The following GNG7 variants were observed in gnomAD, a reference collection of about 807,000 sequenced individuals.
GNG7 encodes guanine nucleotide-binding protein G(I)/G(S)/G(O) subunit gamma-7.
Under a neutral mutation model 4.0 loss-of-function variants are expected in GNG7, and 1 was observed. The ratio of observed to expected loss-of-function variants is 0.25; its 90% CI spans 0.09 to 1.18. GNG7 has a LOEUF of 1.18. Ranked by LOEUF, GNG7 falls within the 50% of genes most tolerant of loss-of-function variation. GNG7 has a pLI of 0.50. For synonymous variants in GNG7, 34 were observed against 36.9 expected, an observed-to-expected ratio of 0.92 and a Z score of 0.29; for missense variants, 86 against 91.9, an observed-to-expected ratio of 0.94 and a Z score of 0.26.
At chr19:2,593,902 G>A (rs1333525046) in intron 2 of GNG7, among the ~76,000 whole-genome samples, 2 of 140,572 alleles carry the variant, frequency 1.4e-5, no homozygotes, top group Non-Finnish European at 3.0e-5. Context: ...GAAGCAAGCT[G>A]AGAGGCAGGC....
intron 1 of GNG7, among the ~76,000 whole-genome samples, chr19:2,658,263 G>A (rs986293448): frequency 2.0e-5 from 3 of 152,030 alleles, no homozygotes; most frequent in Non-Finnish European, 4.4e-5. Flanking sequence ...TACATCTGGG[G>A]TCTGCAAATT....
chr19:2,638,105 C>T (rs190487772), intron 2 of GNG7, among the ~76,000 whole-genome samples: 1 of 152,128 alleles, frequency 6.6e-6, no homozygotes, highest in East Asian at 2.0e-4. Context: ...TGGCTCACGC[C>T]TGTCACCCCA....
intron 3 of GNG7, chr19:2,538,409 G>T (rs1012187447): frequency 2.5e-6 from 1 of 392,584 alleles, no homozygotes; most frequent in Non-Finnish European, 5.1e-6. Flanking sequence ...GATCATTTGA[G>T]GCCAGGAGTT....
intron 2 of GNG7, among the ~76,000 whole-genome samples, chr19:2,604,645 A>G (rs1981322648): frequency 6.7e-6 from 1 of 149,336 alleles, no homozygotes; most frequent in African/African-American, 2.5e-5. Context: ...CCTTCAAAAA[A>G]AAAAAAAAAA....
intron 3 of GNG7, 100 bp from the exon 4 acceptor site, chr19:2,520,825 C>T (rs980487515): frequency 3.5e-5 from 21 of 604,628 alleles, no homozygotes; most frequent in Admixed American, 1.1e-4. Context: ...ACTCTAGGCA[C>T]GGCCACTTTG....
chr19:2,516,547 A>G (rs923117427), intron 4 of GNG7, among the ~76,000 whole-genome samples: 1 of 152,212 alleles, frequency 6.6e-6, no homozygotes, highest in Admixed American at 6.5e-5. Context: ...TTTAAAAAAG[A>G]AAAGGCTGAG....
intron 3 of GNG7, chr19:2,538,505 C>T (rs1188238963): frequency 5.7e-6 from 2 of 350,336 alleles, no homozygotes; most frequent in Non-Finnish European, 1.1e-5. Context: ...GTGGTGCACA[C>T]CTGTAGTTCC....
intron 2 of GNG7, among the ~76,000 whole-genome samples, chr19:2,587,523 G>A (rs1429154021): frequency 6.6e-6 from 1 of 152,188 alleles, no homozygotes; most frequent in East Asian, 1.9e-4. Context: ...TCTGGCCGGT[G>A]AGGACAACAG....
intron 2 of GNG7, among the ~76,000 whole-genome samples, chr19:2,579,951 C>T (rs925707219): frequency 1.1e-4 from 17 of 152,176 alleles, no homozygotes; most frequent in African/African-American, 4.1e-4. Flanking sequence ...ACGCTTTCTG[C>T]CTCCTCCAGT....
chr19:2,573,178 C>T (rs1160347705), intron 2 of GNG7, among the ~76,000 whole-genome samples: 3 of 151,712 alleles, frequency 2.0e-5, no homozygotes, highest in Non-Finnish European at 4.4e-5. Flanking sequence ...GGCGCCACCA[C>T]ACCCGGCTAA....
chr19:2,695,000 C>A (rs1489983728), intron 1 of GNG7, among the ~76,000 whole-genome samples: 1 of 151,998 alleles, frequency 6.6e-6, no homozygotes, highest in Non-Finnish European at 1.5e-5. Context: ...ACAGGGGGAC[C>A]TCCACGTTTA....
chr19:2,519,548 C>A (rs1458385155), intron 4 of GNG7, among the ~76,000 whole-genome samples: 1 of 151,356 alleles, frequency 6.6e-6, no homozygotes, highest in Non-Finnish European at 1.5e-5. Context: ...GCCTCGGCCT[C>A]CCAATGTGCT....
At chr19:2,630,024 T>G (rs890679933) in intron 2 of GNG7, among the ~76,000 whole-genome samples, 6 of 151,856 alleles carry the variant, frequency 4.0e-5, no homozygotes, top group Non-Finnish European at 8.8e-5. Context: ...AAAGGTTGTT[T>G]TTTTTTTTTA....
In GNG7 at chr19:2,512,151, C is replaced by T; in HGVS notation, c.*2871G>A. ...TGGCGTAGCTGAGAGAGGCTTGTCC[C>T]CCCAAGGCTAGAGCTGCTGCTGCCA... is the stretch of plus-strand genomic sequence containing the variant. On this transcript the variant is annotated 3_prime_UTR_variant, in exon 5 of 5. Transcript: ENST00000382159. This position sits in a 1 kb window ranked among gnomAD's most constrained non-coding sequence, Gnocchi z 4.7. The T allele has an allele frequency of 1.0e-6, 1 of 985,864 alleles. No homozygotes were observed. Among genetic ancestry groups the T allele is most frequent in the Non-Finnish European group, 1.2e-6 (1 of 829,968 alleles). The allele number at this position is 985,864 out of a possible 1,614,324, so 61.1% of individuals were successfully genotyped here.
intron 2 of GNG7, among the ~76,000 whole-genome samples, chr19:2,601,646 CT>C (rs1981201995): frequency 6.6e-6 from 1 of 151,524 alleles, no homozygotes; most frequent in South Asian, 2.1e-4. Flanking sequence ...GGCATGGTGG[CT>C]CACGTCTGTA....
At chr19:2,615,860 G>T (rs898603140) in intron 2 of GNG7, among the ~76,000 whole-genome samples, 1 of 152,178 alleles carries the variant, frequency 6.6e-6, no homozygotes, top group Admixed American at 6.6e-5. Context: ...GAGGAGGCAG[G>T]AGGGTTCCCT....
intron 1 of GNG7, among the ~76,000 whole-genome samples, chr19:2,666,987 A>T (rs904809039): frequency 6.6e-6 from 1 of 152,244 alleles, no homozygotes; most frequent in East Asian, 1.9e-4. Context: ...GATCCTCAAC[A>T]TCACACGGCA....
chr19:2,681,222 T>G (rs528543373), intron 1 of GNG7, among the ~76,000 whole-genome samples: 2 of 152,026 alleles, frequency 1.3e-5, no homozygotes, highest in African/African-American at 4.8e-5. Context: ...CTTGCTCTGT[T>G]GCCCAGGCTG....
chr19:2,576,319 G>A (rs115611335), intron 2 of GNG7, among the ~76,000 whole-genome samples: 2 of 152,202 alleles, frequency 1.3e-5, no homozygotes, highest in African/African-American at 2.4e-5. Context: ...AGAACCCTTC[G>A]ACCCAGGCCT....
Sources: allele counts gnomAD v4.1 joint callset (sites outside exome capture counted in the v4.1 genomes callset), GRCh38; gene constraint gnomAD v4.1.1; non-coding constraint Gnocchi (gnomAD v3.1); transcripts MANE v1.5; gene names NCBI Gene and HGNC (gene_info 2026-07-23, HGNC 2026-07-21).